SGCZ: variants seen among roughly 807,000 people sequenced by gnomAD.
SGCZ encodes the protein sarcoglycan zeta.
A neutral mutation model predicts 41.3 loss-of-function variants in SGCZ; 40 were observed. The ratio of observed to expected loss-of-function variants is 0.97; its 90% CI spans 0.75 to 1.26. SGCZ has a LOEUF of 1.26. SGCZ is among the 50% of genes most tolerant of loss of function. The pLI is 0.00. For synonymous variants in SGCZ, 206 were observed against 137.5 expected (o/e 1.50, Z -3.49); for missense variants, 552 against 369.8 (o/e 1.49, Z -4.04).
At chr8:14,841,904 C>T (rs1802929011) in intron 1 of SGCZ, among the ~76,000 whole-genome samples, 1 of 152,138 alleles carries the variant, frequency 6.6e-6, no homozygotes, top group Non-Finnish European at 1.5e-5. Flanking sequence ...ACCTGCAGCC[C>T]TGTGCTCTTC....
intron 2 of SGCZ, among the ~76,000 whole-genome samples, chr8:14,453,063 G>T (rs1800641093): frequency 6.6e-6 from 1 of 151,668 alleles, no homozygotes; most frequent in Non-Finnish European, 1.5e-5. Flanking sequence ...AGATGAGATG[G>T]TACCACTGAA....
intron 1 of SGCZ, among the ~76,000 whole-genome samples, chr8:14,893,379 C>T (rs900615482): frequency 7.9e-5 from 12 of 152,064 alleles, no homozygotes; most frequent in African/African-American, 2.4e-4. Context: ...ATGAGAGCCA[C>T]GTCAAACTTC....
At chr8:14,405,432 T>C (rs1401841057) in intron 2 of SGCZ, among the ~76,000 whole-genome samples, 49 of 152,362 alleles carry the variant, frequency 3.2e-4, no homozygotes, top group Admixed American at 3.2e-3. Flanking sequence ...ATTATTTTTT[T>C]ACTTCTGAAC....
rs1309954380 is a variant in SGCZ, at chr8:14,551,618, ATAAAATATATATAT to A, written c.234+3100_234+3113del. On this transcript the variant is annotated intron_variant, in intron 2 of 7. Transcript: ENST00000382080. ...TATATTATATATATTATATATATACATAAAATATATATATTATATATATATAAAATATATATATG... is the reference window on the plus strand; with the variant it reads ...TATATTATATATATTATATATATACATATATATATATAAAATATATATATG... Among the ~76,000 whole-genome samples the A allele has an allele frequency of 6.6e-5, 4 of 60,428 alleles. 1 individual carries two copies. Among genetic ancestry groups the A allele is most frequent in the Non-Finnish European group, 1.2e-4 (4 of 33,836 alleles). 39.6% of individuals were successfully genotyped at this position (60,428 alleles called of 152,430 possible).
At chr8:14,349,220 C>T (rs977261623) in intron 2 of SGCZ, among the ~76,000 whole-genome samples, 48 of 152,108 alleles carry the variant, frequency 3.2e-4, no homozygotes, top group African/African-American at 1.1e-3. Context: ...TTACCAAAAT[C>T]GGTTGCCTGG....
chr8:14,427,514 C>A (rs1191595870), intron 2 of SGCZ, among the ~76,000 whole-genome samples: 4 of 152,072 alleles, frequency 2.6e-5, no homozygotes, highest in Non-Finnish European at 5.9e-5. Context: ...CCACTCGTTG[C>A]GTTTCCATGA....
At chr8:14,917,305 T>G (rs1799464718) in intron 1 of SGCZ, among the ~76,000 whole-genome samples, 1 of 40,484 alleles carries the variant, frequency 2.5e-5, no homozygotes, top group Non-Finnish European at 4.1e-5. Context: ...TTAGCCTATT[T>G]AAGCAAGAGA....
At chr8:15,060,181 A>G (rs1055945995) in intron 1 of SGCZ, among the ~76,000 whole-genome samples, 3 of 152,158 alleles carry the variant, frequency 2.0e-5, no homozygotes, top group African/African-American at 7.2e-5. Context: ...ATATACCCAA[A>G]GGATTATAAT....
chr8:14,153,533 CAAAG>C (rs1803777425), intron 5 of SGCZ, among the ~76,000 whole-genome samples: 1 of 152,046 alleles, frequency 6.6e-6, no homozygotes, highest in Non-Finnish European at 1.5e-5. Context: ...CTGAGAAGAA[CAAAG>C]AGAGAAATAA....
Position 14,605,514 on chromosome 8 carries a change from AT to A in SGCZ, c.40-50589del, listed in dbSNP as rs1211767815. 4.0e-5 allele frequency among the ~76,000 whole-genome samples: 6 copies of A among 151,826 alleles called. No individual in the cohort carries two copies. In the East Asian group the frequency reaches 5.8e-4, roughly 15 times the overall value. ...ATACTAGATCTTTTAATCTTTTTCTATTTTTTTGTACCCATTAACCACCCAC... is the reference window on the plus strand; with the variant it reads ...ATACTAGATCTTTTAATCTTTTTCTATTTTTTGTACCCATTAACCACCCAC... On this transcript the variant is annotated intron_variant, in intron 1 of 7. Coordinates refer to ENST00000382080, the MANE Select transcript of SGCZ (RefSeq NM_139167.4).
chr8:14,627,269 T>A (rs2410200), intron 1 of SGCZ, among the ~76,000 whole-genome samples: 1 of 152,028 alleles, frequency 6.6e-6, no homozygotes, highest in Admixed American at 6.6e-5. Context: ...ACATCTTCTG[T>A]GGGTAAAATA....
At position 14,675,815 on chromosome 8, in the gene SGCZ, T is replaced by C. The variant is rs1011924927; in HGVS notation, c.40-120889A>G. On this transcript the variant is annotated intron_variant, in intron 1 of 7. Coordinates refer to ENST00000382080, the MANE Select transcript of SGCZ (RefSeq NM_139167.4). ...ATAAAAACAAGCAAGATGAGCTCAT[T>C]GCATGGAATGAATTTCCAAACTGCT... Among the ~76,000 whole-genome samples the C allele has an allele frequency of 3.3e-5, 5 of 152,164 alleles. No homozygotes were observed. In the East Asian group the frequency reaches 9.6e-4, roughly 29 times the overall value.
intron 1 of SGCZ, among the ~76,000 whole-genome samples, chr8:14,617,015 GA>G (rs893106338): frequency 6.6e-6 from 1 of 151,480 alleles, no homozygotes; most frequent in African/African-American, 2.4e-5. Context: ...TTTGTAGTAA[GA>G]AAAAAGGGGT....
intron 1 of SGCZ, among the ~76,000 whole-genome samples, chr8:14,594,220 A>T (rs1198362570): frequency 6.8e-6 from 1 of 147,952 alleles, no homozygotes; most frequent in Non-Finnish European, 1.5e-5. Flanking sequence ...AAATAAATAA[A>T]TAAATAAAAT....
intron 1 of SGCZ, among the ~76,000 whole-genome samples, chr8:14,925,271 TTCTTTTGAG>T (rs1799711826): frequency 6.6e-6 from 1 of 152,236 alleles, no homozygotes; most frequent in South Asian, 2.1e-4. Flanking sequence ...AGACAAAATT[TTCTTTTGAG>T]TAGACTATTA....
At chr8:14,202,689 T>C (rs1805493569) in intron 4 of SGCZ, among the ~76,000 whole-genome samples, 1 of 152,162 alleles carries the variant, frequency 6.6e-6, no homozygotes, top group Non-Finnish European at 1.5e-5. Context: ...CCTTGGTAAT[T>C]TTTAACATTA....
chr8:14,811,453 C>T (rs1307091605), intron 1 of SGCZ, among the ~76,000 whole-genome samples: 1 of 147,120 alleles, frequency 6.8e-6, no homozygotes, highest in Admixed American at 6.9e-5. Flanking sequence ...CAAAAACAAC[C>T]TGGAGATCGT....
chr8:14,998,687 A>G (rs1001437799), intron 1 of SGCZ, among the ~76,000 whole-genome samples: 2 of 152,228 alleles, frequency 1.3e-5, no homozygotes, highest in African/African-American at 4.8e-5. Context: ...TCAATTATTC[A>G]TAATTCTTAT....
chr8:15,056,711 T>C (rs146378813), intron 1 of SGCZ, among the ~76,000 whole-genome samples: 70 of 152,278 alleles, frequency 4.6e-4, no homozygotes, highest in African/African-American at 1.7e-3. Flanking sequence ...TGGTTGTATA[T>C]GCATGTTTAA....
Sources: gnomAD v4.1 joint callset for allele counts (sites outside exome capture counted in the v4.1 genomes callset) on GRCh38, gnomAD v4.1.1 for gene constraint, MANE v1.5 for transcripts, NCBI Gene and HGNC (gene_info 2026-07-23, HGNC 2026-07-21) for gene names.